SCFD2: variants seen among roughly 807,000 people sequenced by gnomAD.
SCFD2 encodes sec1 family domain containing 2, also known as sec1 family domain-containing protein 2.
SCFD2 carries 54 observed loss-of-function variants against 58.9 expected under a neutral mutation model. That is an observed-to-expected ratio of 0.92 (90% CI 0.74 to 1.15). SCFD2 has a LOEUF of 1.15. Among genes scored for constraint, SCFD2 ranks in the 50% most tolerant of loss-of-function variants. The pLI is 0.00. For missense variants in SCFD2, 805 were observed against 836.6 expected, an observed-to-expected ratio of 0.96 and a Z score of 0.47; for synonymous variants, 321 against 335.9, an observed-to-expected ratio of 0.96 and a Z score of 0.49.
intron 5 of SCFD2, among the ~76,000 whole-genome samples, chr4:53,139,072 T>C (rs1320389080): frequency 6.6e-6 from 1 of 152,184 alleles, no homozygotes; most frequent in African/African-American, 2.4e-5. Flanking sequence ...GGTTTCGCCA[T>C]GTTGGCTGGC....
intron 5 of SCFD2, among the ~76,000 whole-genome samples, chr4:53,107,697 C>T (rs2148881500): frequency 1.3e-5 from 2 of 152,220 alleles, no homozygotes; most frequent in Non-Finnish European, 2.9e-5. Context: ...ATATATGCAC[C>T]CAATACAGAA....
Position 53,242,683 on chromosome 4 carries a change from A to G in SCFD2, c.1311+31143T>C, listed in dbSNP as rs1033803271. 7.9e-5 allele frequency among the ~76,000 whole-genome samples: 12 copies of G among 152,258 alleles called. 1 individual carries two copies. The highest frequency in any genetic ancestry group is 2.9e-5 in the Non-Finnish European group (2 of 68,046). ...CAGAATATGAATAGATATAAAGATC[A>G]GCAAGATTCAGGAGAATGCTGAAAC... On this transcript the variant is annotated intron_variant, in intron 4 of 8. Coordinates refer to ENST00000401642, the MANE Select transcript of SCFD2 (RefSeq NM_152540.4).
intron 5 of SCFD2, among the ~76,000 whole-genome samples, chr4:52,999,137 G>A (rs1275914590): frequency 1.3e-5 from 2 of 152,138 alleles, no homozygotes; most frequent in East Asian, 1.9e-4. Context: ...GAGTGTTGGC[G>A]AGTAAAATCC....
At chr4:53,072,578 G>T (rs187928523) in intron 5 of SCFD2, among the ~76,000 whole-genome samples, 3 of 152,026 alleles carry the variant, frequency 2.0e-5, no homozygotes, top group Non-Finnish European at 2.9e-5. Context: ...AAAGATTAGG[G>T]GGGGGAAAGC....
At chr4:53,291,494 A>G (rs1441655918) in intron 3 of SCFD2, among the ~76,000 whole-genome samples, 1 of 152,170 alleles carries the variant, frequency 6.6e-6, no homozygotes, top group Non-Finnish European at 1.5e-5. Context: ...TGAATGGAAA[A>G]ACATTCCATG....
intron 5 of SCFD2, among the ~76,000 whole-genome samples, chr4:53,000,454 C>T (rs1268655286): frequency 6.6e-6 from 1 of 152,188 alleles, no homozygotes; most frequent in African/African-American, 2.4e-5. Flanking sequence ...TCTCCAACCA[C>T]CCACCATTCA....
intron 3 of SCFD2, among the ~76,000 whole-genome samples, chr4:53,287,348 A>G (rs1731701567): frequency 6.6e-6 from 1 of 152,162 alleles, no homozygotes. Flanking sequence ...ACGCTCAGCT[A>G]AGTCTCCCAA....
rs537964174 is a variant in SCFD2, at chr4:53,168,320, A to T, written c.1312-22738T>A. The stretch of plus-strand genomic sequence containing the variant: ...CCTAGTGACCCCTTAGCTTCAAAGG[A>T]GAAGCCAAGCCAAATGCTCTTTGAA... On this transcript the variant is annotated intron_variant, in intron 4 of 8. Coordinates refer to ENST00000401642, the MANE Select transcript of SCFD2 (RefSeq NM_152540.4). Among the ~76,000 whole-genome samples, 7 of 152,194 alleles carry T rather than the reference A, an allele frequency of 4.6e-5. No individual in the cohort carries two copies. The East Asian group carries it at 1.3e-3, about 29-fold the overall frequency.
chr4:53,255,847 C>T (rs1279291584), intron 4 of SCFD2, among the ~76,000 whole-genome samples: 2 of 149,322 alleles, frequency 1.3e-5, no homozygotes, highest in South Asian at 2.1e-4. Flanking sequence ...GGGGGCTGAC[C>T]CCCCCACCTC....
At chr4:53,195,535 T>C (rs984237492) in intron 4 of SCFD2, among the ~76,000 whole-genome samples, 4 of 152,152 alleles carry the variant, frequency 2.6e-5, no homozygotes, top group African/African-American at 9.7e-5. Flanking sequence ...TCACATTGTG[T>C]CCTTCAAATG....
chr4:53,206,571 G>T (rs1255545530), intron 4 of SCFD2, among the ~76,000 whole-genome samples: 1 of 151,906 alleles, frequency 6.6e-6, no homozygotes, highest in East Asian at 1.9e-4. Flanking sequence ...TTTTTTAATC[G>T]TAAAAACTCC....
chr4:53,109,853 A>G (rs1156510676), intron 5 of SCFD2, among the ~76,000 whole-genome samples: 2 of 152,182 alleles, frequency 1.3e-5, no homozygotes, highest in African/African-American at 4.8e-5. Flanking sequence ...CCTTCACAGA[A>G]TTAGAAAAAA....
chr4:52,947,143 C>T (rs1328303071), intron 5 of SCFD2, among the ~76,000 whole-genome samples: 1 of 152,154 alleles, frequency 6.6e-6, no homozygotes, highest in Admixed American at 6.6e-5. Context: ...TCTTGGCAAA[C>T]TGCACTACAA....
intron 7 of SCFD2, among the ~76,000 whole-genome samples, chr4:52,891,811 C>A (rs1479486547): frequency 6.6e-6 from 1 of 152,258 alleles, no homozygotes; most frequent in Admixed American, 6.5e-5. Context: ...TCATCTGCTG[C>A]AGTTGATGAC....
intron 5 of SCFD2, among the ~76,000 whole-genome samples, chr4:53,103,861 AGAGCTCCC>A (rs1724905779): frequency 2.7e-5 from 4 of 147,814 alleles, no homozygotes; most frequent in South Asian, 2.2e-4. Flanking sequence ...TGCCACTGAA[AGAGCTCCC>A]AATGGCCAAA....
intron 5 of SCFD2, among the ~76,000 whole-genome samples, chr4:53,093,265 T>C (rs1724523614): frequency 6.6e-6 from 1 of 152,130 alleles, no homozygotes; most frequent in South Asian, 2.1e-4. Context: ...CAGCAAATAG[T>C]TGTTCAAGGG....
At chr4:53,055,009 T>C (rs1443335141) in intron 5 of SCFD2, among the ~76,000 whole-genome samples, 1 of 152,040 alleles carries the variant, frequency 6.6e-6, no homozygotes, top group Non-Finnish European at 1.5e-5. Flanking sequence ...GCAATAACAA[T>C]AATGAAGGAG....
intron 5 of SCFD2, among the ~76,000 whole-genome samples, chr4:53,049,888 A>C (rs1349002702): frequency 3.3e-5 from 5 of 152,114 alleles, no homozygotes; most frequent in Non-Finnish European, 7.4e-5. Flanking sequence ...AGGTCATTTT[A>C]ATTTCCTTCT....
chr4:52,888,300 C>G (rs536087970), intron 7 of SCFD2, among the ~76,000 whole-genome samples: 1 of 152,204 alleles, frequency 6.6e-6, no homozygotes, highest in Admixed American at 6.5e-5. Context: ...AAAGGAAGGA[C>G]AGAGAGAAGA....
Sources: gnomAD v4.1 joint callset for allele counts (sites outside exome capture counted in the v4.1 genomes callset) on GRCh38, gnomAD v4.1.1 for gene constraint, MANE v1.5 for transcripts, NCBI Gene and HGNC (gene_info 2026-07-23, HGNC 2026-07-21) for gene names.